SLC39A10: variants seen among roughly 807,000 people sequenced by gnomAD.
SLC39A10 encodes zinc transporter ZIP10.
Under a neutral mutation model 65.1 loss-of-function variants are expected in SLC39A10, and 13 were observed. The observed-to-expected ratio is 0.20, with a 90% CI of 0.13 to 0.32. SLC39A10 has a LOEUF of 0.32. SLC39A10 is among the 10% of genes least tolerant of loss of function. The pLI, the probability that SLC39A10 is intolerant of heterozygous loss-of-function variation, is 1.00. For missense variants in SLC39A10, 831 were observed against 1,018.4 expected, an observed-to-expected ratio of 0.82 and a Z score of 2.50; for synonymous variants, 321 against 342.2, an observed-to-expected ratio of 0.94 and a Z score of 0.68.
intron 5 of SLC39A10, among the ~76,000 whole-genome samples, chr2:195,712,740 A>G (rs1295559806): frequency 6.6e-6 from 1 of 152,210 alleles, no homozygotes; most frequent in Non-Finnish European, 1.5e-5. Flanking sequence ...AACCTAAACA[A>G]TGAAGTACAA....
intron 3 of SLC39A10, among the ~76,000 whole-genome samples, chr2:195,704,533 C>A (rs1159246638): frequency 6.6e-6 from 1 of 152,094 alleles, no homozygotes; most frequent in East Asian, 1.9e-4. Context: ...GCTCTAAGAC[C>A]TCGTGTCTAA....
At chr2:195,726,362 CTT>C (rs1692239487) in intron 8 of SLC39A10, among the ~76,000 whole-genome samples, 1 of 152,110 alleles carries the variant, frequency 6.6e-6, no homozygotes, top group Non-Finnish European at 1.5e-5. Context: ...GAAATTGCCT[CTT>C]TAGCACAGTT....
At chr2:195,658,178 C>G (rs1350451840) in intron 1 of SLC39A10, 1 of 152,492 alleles carries the variant, frequency 6.6e-6, no homozygotes, top group East Asian at 1.9e-4. Flanking sequence ...CCCTCGAACG[C>G]CCCAGCTAAG....
At chr2:195,616,125 T>A (rs1006037050) in intron 2 of SLC39A10, among the ~76,000 whole-genome samples, 4 of 151,970 alleles carry the variant, frequency 2.6e-5, no homozygotes, top group African/African-American at 7.3e-5. Context: ...CGGCTAATTT[T>A]TGTATTTTCA....
At chr2:195,637,382 C>T (rs149373473) in intron 2 of SLC39A10, among the ~76,000 whole-genome samples, 30 of 152,250 alleles carry the variant, frequency 2.0e-4, no homozygotes, top group Non-Finnish European at 1.6e-4. Context: ...CCAGGGAACA[C>T]AAAATATCTC....
intron 1 of SLC39A10, among the ~76,000 whole-genome samples, chr2:195,674,011 C>G (rs192950812): frequency 6.6e-6 from 1 of 152,230 alleles, no homozygotes; most frequent in African/African-American, 2.4e-5. Flanking sequence ...TGTAATCATC[C>G]CATGTTCTCT....
At chr2:195,626,891 A>C (rs1688485288) in intron 2 of SLC39A10, among the ~76,000 whole-genome samples, 1 of 152,168 alleles carries the variant, frequency 6.6e-6, no homozygotes, top group Non-Finnish European at 1.5e-5. Context: ...ACTGGCTGGC[A>C]AGTTTTATTG....
At chr2:195,636,804 G>A (rs1161059145) in intron 2 of SLC39A10, among the ~76,000 whole-genome samples, 3 of 152,006 alleles carry the variant, frequency 2.0e-5, no homozygotes, top group Non-Finnish European at 2.9e-5. Flanking sequence ...GGGAGGCCAA[G>A]GTGGGAGGAT....
chr2:195,692,058 T>C (rs1690763928), intron 3 of SLC39A10, among the ~76,000 whole-genome samples: 2 of 152,256 alleles, frequency 1.3e-5, no homozygotes, highest in African/African-American at 4.8e-5. Flanking sequence ...AGTTTCATTC[T>C]TCTACATATG....
intron 2 of SLC39A10, among the ~76,000 whole-genome samples, chr2:195,637,116 T>C (rs1688711218): frequency 6.6e-6 from 1 of 152,158 alleles, no homozygotes; most frequent in Non-Finnish European, 1.5e-5. Context: ...GAATGAGAAT[T>C]GTTCCAGTGG....
In SLC39A10 at chr2:195,677,245, A is replaced by G. The variant is rs1412908115; in HGVS notation, c.-11-2787A>G. On this transcript the variant is annotated intron_variant, in intron 1 of 9. Coordinates refer to ENST00000359634, the MANE Select transcript of SLC39A10 (RefSeq NM_020342.3). ...GGTCTTCTCCCAATTATTACCCTCT[A>G]TCTCTCTTTCAAAAAGTAATCATGG... 4.6e-5 allele frequency among the ~76,000 whole-genome samples: 7 copies of G among 152,144 alleles called. No individual in the cohort carries two copies. In the East Asian group the frequency reaches 1.2e-3, roughly 25 times the overall value.
intron 2 of SLC39A10, among the ~76,000 whole-genome samples, chr2:195,630,970 C>T (rs1420043616): frequency 2.0e-5 from 3 of 152,156 alleles, no homozygotes; most frequent in African/African-American, 4.8e-5. Flanking sequence ...AGGTGGATCA[C>T]TTGAGGTCAA....
chr2:195,689,029 G>A (rs1690627810), intron 3 of SLC39A10, among the ~76,000 whole-genome samples: 1 of 152,016 alleles, frequency 6.6e-6, no homozygotes. Flanking sequence ...CCTCTATGAG[G>A]TAAACACAGG....
intron 2 of SLC39A10, among the ~76,000 whole-genome samples, chr2:195,620,900 G>A (rs1688335452): frequency 6.6e-6 from 1 of 152,102 alleles, no homozygotes; most frequent in Admixed American, 6.6e-5. Context: ...CCTGTCTCTT[G>A]CCATAGTTCC....
At chr2:195,624,382 C>A in intron 2 of SLC39A10, among the ~76,000 whole-genome samples, 2 of 125,232 alleles carry the variant, frequency 1.6e-5, no homozygotes, top group African/African-American at 3.2e-5. Context: ...AGCAAAACTC[C>A]GTCTCAAATA....
chr2:195,617,705 T>C (rs958689559), intron 2 of SLC39A10, among the ~76,000 whole-genome samples: 1 of 90,472 alleles, frequency 1.1e-5, no homozygotes, highest in Admixed American at 1.0e-4. Flanking sequence ...ACCTTGTTTC[T>C]TTTCTTTTCT....
chr2:195,621,877 G>C (rs574921412), intron 2 of SLC39A10, among the ~76,000 whole-genome samples: 2 of 151,934 alleles, frequency 1.3e-5, no homozygotes, highest in African/African-American at 4.8e-5. Flanking sequence ...AAATTTTCCC[G>C]TTAACTCTTC....
At chr2:195,685,874 C>T (rs188515603) in intron 3 of SLC39A10, among the ~76,000 whole-genome samples, 3 of 152,258 alleles carry the variant, frequency 2.0e-5, no homozygotes, top group East Asian at 1.9e-4. Flanking sequence ...AGTCTATAAG[C>T]GTTCAGTTAT....
chr2:195,667,628 C>A (rs183289599), intron 1 of SLC39A10, among the ~76,000 whole-genome samples: 186 of 152,158 alleles, frequency 1.2e-3, no homozygotes, highest in Non-Finnish European at 2.2e-3. Flanking sequence ...AATGGTAATA[C>A]CTTAGGTTAA....
Sources: gnomAD v4.1 joint callset for allele counts (sites outside exome capture counted in the v4.1 genomes callset) on GRCh38, gnomAD v4.1.1 for gene constraint, MANE v1.5 for transcripts, NCBI Gene and HGNC (gene_info 2026-07-23, HGNC 2026-07-21) for gene names.